Variants in PDE4B observed in about 807,000 individuals in gnomAD.
PDE4B encodes phosphodiesterase 4B, also known as 3',5'-cyclic-AMP phosphodiesterase 4B.
In PDE4B, 20 loss-of-function variants were observed where a neutral mutation model predicts 82.2. That is an observed-to-expected ratio of 0.24 (90% confidence interval 0.17 to 0.35). The LOEUF (loss-of-function observed/expected upper bound fraction) is 0.35, where lower values mean the gene tolerates loss of function less well. Ranked by LOEUF, PDE4B falls within the 10% of genes least tolerant of loss-of-function variation. The pLI is 1.00. For missense variants in PDE4B, 655 were observed against 907.2 expected (o/e 0.72, Z 3.57); for synonymous variants, 320 against 318.9 (o/e 1.00, Z -0.04).
At chr1:66,061,513 C>T (rs984718968) in intron 3 of PDE4B, among the ~76,000 whole-genome samples, 4 of 151,966 alleles carry the variant, frequency 2.6e-5, no homozygotes, top group African/African-American at 9.7e-5. Context: ...CATAAAGTCT[C>T]TAAGCCTTTG....
chr1:66,069,626 G>T (rs1656048263), intron 3 of PDE4B, among the ~76,000 whole-genome samples: 1 of 152,002 alleles, frequency 6.6e-6, no homozygotes, highest in African/African-American at 2.4e-5. Context: ...GTGTTGAAAT[G>T]AGATGGCCGT....
chr1:66,072,416 A>T (rs1053707741), intron 3 of PDE4B, among the ~76,000 whole-genome samples: 2 of 152,046 alleles, frequency 1.3e-5, no homozygotes. Flanking sequence ...AAATGTGTGG[A>T]TATTTCCTTA....
At chr1:66,351,159 A>G (rs1249924721) in intron 8 of PDE4B, among the ~76,000 whole-genome samples, 1 of 152,200 alleles carries the variant, frequency 6.6e-6, no homozygotes, top group Non-Finnish European at 1.5e-5. Flanking sequence ...GAGTTTATTC[A>G]CAAATTTTGC....
chr1:66,293,086 T>C (rs1657219963), intron 7 of PDE4B, among the ~76,000 whole-genome samples: 1 of 152,130 alleles, frequency 6.6e-6, no homozygotes. Context: ...TTGTGACACA[T>C]GATGATTCAA....
intron 3 of PDE4B, among the ~76,000 whole-genome samples, chr1:66,001,008 A>C (rs1011863257): frequency 6.6e-6 from 1 of 152,208 alleles, no homozygotes; most frequent in Non-Finnish European, 1.5e-5. Flanking sequence ...CAAATTCTAT[A>C]ATCTCCAAGT....
intron 7 of PDE4B, among the ~76,000 whole-genome samples, chr1:66,292,590 A>C (rs1657166870): frequency 6.6e-6 from 1 of 152,202 alleles, no homozygotes; most frequent in South Asian, 2.1e-4. Flanking sequence ...ATGCCTGCCA[A>C]GTAGTAGATA....
chr1:66,085,843 A>G (rs1040942438), intron 3 of PDE4B, among the ~76,000 whole-genome samples: 1 of 152,072 alleles, frequency 6.6e-6, no homozygotes, highest in African/African-American at 2.4e-5. Context: ...GTCAAAAAAT[A>G]GATGTTTTGA....
At chr1:66,204,776 C>T (rs1173483849) in intron 3 of PDE4B, among the ~76,000 whole-genome samples, 1 of 152,240 alleles carries the variant, frequency 6.6e-6, no homozygotes, top group Non-Finnish European at 1.5e-5. Flanking sequence ...AAAGGGAACT[C>T]CCTGACCCCT....
chr1:65,894,234 TAGAG>T (rs1646884623), intron 1 of PDE4B, among the ~76,000 whole-genome samples: 1 of 152,120 alleles, frequency 6.6e-6, no homozygotes, highest in Admixed American at 6.6e-5. Context: ...GACACTAAGA[TAGAG>T]AGTCCAGAAA....
At chr1:66,193,806 A>G (rs560998542) in intron 3 of PDE4B, among the ~76,000 whole-genome samples, 1 of 152,288 alleles carries the variant, frequency 6.6e-6, no homozygotes, top group Non-Finnish European at 1.5e-5. Context: ...TAGTACGTTA[A>G]GTACACCATG....
chr1:66,283,975 A>G (rs533168059), intron 7 of PDE4B, among the ~76,000 whole-genome samples: 1 of 152,328 alleles, frequency 6.6e-6, no homozygotes. Flanking sequence ...TCACCACAAC[A>G]TGAATCAGGC....
At position 66,321,294 on chromosome 1, in the gene PDE4B, G is replaced by A. The variant is rs117479198; in HGVS notation, c.635-11214G>A. Among the ~76,000 whole-genome samples the A allele has an allele frequency of 7.0e-4, 107 of 152,204 alleles. No homozygotes were observed. In the East Asian group the frequency reaches 0.019, roughly 26 times the overall value. On this transcript the variant is annotated intron_variant, in intron 7 of 16. Coordinates refer to ENST00000341517, the MANE Select transcript of PDE4B (RefSeq NM_002600.4). ...AAAGGCTGAAGTGACTTGAATTTTGGTCATCAACCAAATTCCACCACCTTA... is the reference window on the plus strand; with the variant it reads ...AAAGGCTGAAGTGACTTGAATTTTGATCATCAACCAAATTCCACCACCTTA...
intron 1 of PDE4B, among the ~76,000 whole-genome samples, chr1:65,869,299 G>A (rs1250288403): frequency 6.6e-6 from 1 of 152,184 alleles, no homozygotes; most frequent in African/African-American, 2.4e-5. Flanking sequence ...ATAAAGGATA[G>A]CTACCCTGTA....
At chr1:66,231,676 G>A (rs1419754514) in intron 3 of PDE4B, among the ~76,000 whole-genome samples, 1 of 152,240 alleles carries the variant, frequency 6.6e-6, no homozygotes, top group Non-Finnish European at 1.5e-5. Context: ...GGATGGATTT[G>A]CAAAATAGCA....
intron 1 of PDE4B, among the ~76,000 whole-genome samples, chr1:65,876,975 G>T (rs538668414): frequency 6.6e-6 from 1 of 152,198 alleles, no homozygotes; most frequent in South Asian, 2.1e-4. Flanking sequence ...TGGCCATACT[G>T]CCCAAAGTAA....
At chr1:65,994,084 G>C (rs1308956885) in intron 3 of PDE4B, among the ~76,000 whole-genome samples, 1 of 152,070 alleles carries the variant, frequency 6.6e-6, no homozygotes, top group East Asian at 1.9e-4. Context: ...GCAATATAGG[G>C]AGCATGTACA....
chr1:65,952,614 G>A (rs770033023), intron 3 of PDE4B, among the ~76,000 whole-genome samples: 14 of 151,974 alleles, frequency 9.2e-5, no homozygotes, highest in Non-Finnish European at 1.8e-4. Context: ...ACCCAGAGAT[G>A]GAGGTTTCAG....
intron 3 of PDE4B, among the ~76,000 whole-genome samples, chr1:66,169,259 A>C (rs1445961230): frequency 6.6e-6 from 1 of 152,132 alleles, no homozygotes; most frequent in Non-Finnish European, 1.5e-5. Flanking sequence ...GTGTCGGGTT[A>C]ATTGTGATTT....
intron 7 of PDE4B, among the ~76,000 whole-genome samples, chr1:66,284,129 T>C (rs1045297451): frequency 1.3e-5 from 2 of 152,176 alleles, no homozygotes; most frequent in African/African-American, 4.8e-5. Context: ...GAAGCATGAA[T>C]AAAGTGCTCT....
Sources: gnomAD v4.1 joint callset for allele counts (sites outside exome capture counted in the v4.1 genomes callset) on GRCh38, gnomAD v4.1.1 for gene constraint, MANE v1.5 for transcripts, NCBI Gene and HGNC (gene_info 2026-07-23, HGNC 2026-07-21) for gene names.